The following FAM186B variants were observed in gnomAD, a reference collection of about 807,000 sequenced individuals.
The protein encoded by FAM186B is family with sequence similarity 186 member B.
Under a neutral mutation model 83.4 loss-of-function variants are expected in FAM186B, and 68 were observed. The ratio of observed to expected loss-of-function variants is 0.81; its 90% CI spans 0.67 to 1.00. The LOEUF is 1.00. FAM186B is among the 50% of genes least tolerant of loss of function. The pLI is 0.00. For missense variants in FAM186B, 983 were observed against 1,099.2 expected (o/e 0.89, Z 1.49); for synonymous variants, 389 against 422.0 (o/e 0.92, Z 0.96).
rs1176835274 is a variant in FAM186B at position 49,599,718 on chromosome 12, G to C, written c.1922C>G (p.Ser641Cys). 1 of 1,613,658 alleles carries C rather than the reference G, an allele frequency of 6.2e-7. No individual in the cohort carries two copies. Among genetic ancestry groups the C allele is most frequent in the Admixed American group, 1.7e-5 (1 of 59,966 alleles). ...KSASFPVTGT[S>C]IRRLTWPSLQ... ...AGAGGGCCAGGTCAGCCTTCGGATG[G>C]ATGTCCCAGTGACAGGAAAGGAGGC... is the stretch of plus-strand genomic sequence containing the variant. Residue 641 changes from serine (S) to cysteine (C), a missense_variant, in exon 4 of 7, where the codon TCC becomes TGC. Coordinates refer to ENST00000257894, the MANE Select transcript of FAM186B (RefSeq NM_032130.3).
At chr12:49,606,534 C>A (rs1233528706), upstream of FAM186B, among the ~76,000 whole-genome samples, 1 of 150,566 alleles carries the variant, frequency 6.6e-6, no homozygotes, top group Non-Finnish European at 1.5e-5. Context: ...CACAAACATA[C>A]AGAGGGAGGA....
chr12:49,616,513 G>A, the FAM186B span, among the ~76,000 whole-genome samples: 3 of 152,288 alleles, frequency 2.0e-5, no homozygotes, highest in East Asian at 3.9e-4. Flanking sequence ...TAGTATGTCC[G>A]TGTGATGAAA....
In FAM186B at chr12:49,600,296, G is replaced by A; in HGVS notation, c.1344C>T (p.Phe448=). The A allele has an allele frequency of 6.2e-7, 1 of 1,614,148 alleles. No homozygotes were observed. Residue 448 remains phenylalanine (F), a synonymous_variant, in exon 4 of 7, where the codon TTC becomes TTT. Transcript: ENST00000257894. This position sits in a 1 kb window ranked among gnomAD's most constrained non-coding sequence, Gnocchi z 4.3. ...ACTTAATTTGGAGTCCTCCCTTCTG[G>A]AAGTAGTCCTCCTGGTCTTTGTCTT... ...GHKDKDQEDY[F]QKGGLQIKFH...
intron 5 of FAM186B, among the ~76,000 whole-genome samples, chr12:49,591,389 G>C (rs1381008972): frequency 6.6e-6 from 1 of 152,178 alleles, no homozygotes; most frequent in African/African-American, 2.4e-5. Flanking sequence ...TCCCTGGGAA[G>C]AGTTTGTGTT....
rs1939503522 is a variant in FAM186B at position 49,588,539 on chromosome 12, G to A, written c.2449C>T (p.Pro817Ser). The change falls in exon 6 of 7, where the codon CCC (proline) becomes TCC (serine). Residue 817 changes from proline (P) to serine (S), a missense_variant. By Grantham distance (74) the Pro-to-Ser change is moderately conservative. Transcript: ENST00000257894. ...GGGCCACTGGGGCGGATGTGCCGGG[G>A]TGAGGCTGCAGGCAACTTGCATTTC... is the stretch of plus-strand genomic sequence containing the variant. Reference protein sequence around the residue: ...PKKCKLPAASPRHIRPSGPTY... With the variant: ...PKKCKLPAASSRHIRPSGPTY... 1.2e-6 allele frequency: 2 copies of A among 1,613,060 alleles called. No individual in the cohort carries two copies. The highest frequency in any genetic ancestry group is 1.7e-6 in the Non-Finnish European group (2 of 1,179,520).
chr12:49,601,292 G>C lies in FAM186B; in HGVS notation c.506-158C>G. ...TATGGGGCCAGGGACAGTGCTGTCA[G>C]GACAGACCTCTGCTGAGTGCAGAGC... On this transcript the variant is annotated intron_variant, in intron 3 of 6. Coordinates refer to ENST00000257894, the MANE Select transcript of FAM186B (RefSeq NM_032130.3). The C allele has an allele frequency of 2.8e-6, 3 of 1,068,158 alleles. No individual in the cohort carries two copies. In the South Asian group the frequency reaches 6.3e-5, roughly 22 times the overall value. 66.2% of individuals were successfully genotyped at this position (1,068,158 alleles called of 1,614,324 possible). A position where few individuals can be genotyped will look rare whatever the true frequency, so the allele number is the denominator to read the frequency against.
upstream of FAM186B, among the ~76,000 whole-genome samples, chr12:49,607,477 GA>G (rs944606957): frequency 1.7e-4 from 25 of 148,666 alleles, no homozygotes; most frequent in South Asian, 2.1e-4. Context: ...GCTCACTAAA[GA>G]AAAAAAAAGC....
chr12:49,605,372 CAG>C lies in FAM186B; in HGVS notation c.96+8_96+9del, dbSNP rs757503423. On this transcript the variant is annotated splice_region_variant and intron_variant, in intron 1 of 6. Transcript: ENST00000257894. ...CAATGTAAGAGTGATTCCTTCATCTCAGGGGCTACCTCTTGAGCCCGAGTTAG... is the reference window on the plus strand; with the variant it reads ...CAATGTAAGAGTGATTCCTTCATCTCGGGCTACCTCTTGAGCCCGAGTTAG... The C allele has an allele frequency of 4.3e-6, 7 of 1,609,890 alleles. No homozygotes were observed. Among genetic ancestry groups the C allele is most frequent in the East Asian group, 2.2e-5 (1 of 44,862 alleles).
At chr12:49,618,306 C>T in the FAM186B span, among the ~76,000 whole-genome samples, 1 of 151,458 alleles carries the variant, frequency 6.6e-6, no homozygotes, top group Non-Finnish European at 1.5e-5. Flanking sequence ...GATCACGCCA[C>T]TGCACTCCAG....
chr12:49,599,860 AGT>A lies in FAM186B; in HGVS notation c.1778_1779del (p.His593LeufsTer6). 7.5e-6 allele frequency: 12 copies of A among 1,608,550 alleles called. No individual in the cohort carries two copies. Among genetic ancestry groups the A allele is most frequent in the Non-Finnish European group, 1.0e-5 (12 of 1,176,806 alleles). ...TGCTGGGTACTAGGAGACATGGGCA[AGT>A]GTGGCCTCCTGCTTTGGTGAGCAGA... ...TQSAHQSRRP[H>X]LPMSPSTQQP... is the part of the protein sequence containing the mutation. On this transcript the variant is annotated frameshift_variant, in exon 4 of 7. Transcript: ENST00000257894. LOFTEE classifies it high-confidence loss of function.
In FAM186B at chr12:49,600,643, C is replaced by T. The variant is rs764878076; in HGVS notation, c.997G>A (p.Glu333Lys). The T allele has an allele frequency of 1.7e-5, 28 of 1,613,794 alleles. No homozygotes were observed. In the South Asian group the frequency reaches 2.4e-4, roughly 14 times the overall value. The change falls in exon 4 of 7, where the codon GAG (glutamate) becomes AAG (lysine). Residue 333 changes from glutamate to lysine, a missense_variant. Physicochemically the swap from Glu to Lys is moderately conservative, Grantham distance 56. Transcript: ENST00000257894. This position sits in a 1 kb window ranked among gnomAD's most constrained non-coding sequence, Gnocchi z 4.3. The stretch of plus-strand genomic sequence containing the variant: ...GGACCTGGGGAGTCAACAGAAACCT[C>T]AGCCAGGTCTTCTGCCTGACCTGTA... ...NATGQAEDLAEVSVDSPGPSE... is the reference protein window; with the variant it reads ...NATGQAEDLAKVSVDSPGPSE...
intron 4 of FAM186B, 55 bp downstream of exon 4, chr12:49,599,414 C>T: frequency 2.7e-6 from 4 of 1,500,328 alleles, no homozygotes; most frequent in Non-Finnish European, 3.5e-6. Context: ...TGGGTTTAGG[C>T]TCTGCCAACA....
chr12:49,593,888 A>T (rs1939648170), intron 5 of FAM186B, among the ~76,000 whole-genome samples: 2 of 152,222 alleles, frequency 1.3e-5, no homozygotes, highest in Admixed American at 1.3e-4. Flanking sequence ...ACAGAGCTTC[A>T]GAGTATTTGA....
At chr12:49,610,803 A>G in the FAM186B span, among the ~76,000 whole-genome samples, 1 of 151,974 alleles carries the variant, frequency 6.6e-6, no homozygotes, top group East Asian at 1.9e-4. Context: ...AAAAAAAAAA[A>G]AAAGAAAAAC....
chr12:49,613,922 G>A, the FAM186B span, among the ~76,000 whole-genome samples: 4 of 152,020 alleles, frequency 2.6e-5, no homozygotes, highest in Non-Finnish European at 5.9e-5. Flanking sequence ...GCCTTGGTGG[G>A]TGGATCACCT....
chr12:49,619,799 TG>T, the FAM186B span, among the ~76,000 whole-genome samples: 1 of 150,566 alleles, frequency 6.6e-6, no homozygotes, highest in African/African-American at 2.4e-5. Flanking sequence ...CTCAGCCTCC[TG>T]AGTAGCTAGG....
chr12:49,582,928 A>G (rs1565801498), downstream of FAM186B: 2 of 431,362 alleles, frequency 4.6e-6, no homozygotes, highest in Middle Eastern at 3.4e-4. Flanking sequence ...TTGGCTTCAC[A>G]GCTTGGCCCG....
intron 5 of FAM186B, among the ~76,000 whole-genome samples, chr12:49,590,436 G>A (rs982113762): frequency 6.6e-6 from 1 of 152,180 alleles, no homozygotes; most frequent in African/African-American, 2.4e-5. Flanking sequence ...TTTGGCAGGT[G>A]AGTGAGCATT....
At position 49,600,248 on chromosome 12, in the gene FAM186B, A is replaced by G. The variant is rs137909183; in HGVS notation, c.1392T>C (p.Ser464=). The G allele has an allele frequency of 2.1e-4, 334 of 1,613,774 alleles. No individual in the cohort carries two copies. The highest frequency in any genetic ancestry group is 2.4e-4 in the Non-Finnish European group (281 of 1,179,900). Residue 464 remains serine (S), a synonymous_variant, in exon 4 of 7, where the codon TCT becomes TCC. Transcript: ENST00000257894. The surrounding 1 kb of genome is among the most constrained non-coding windows in gnomAD (Gnocchi z 4.3). ...AGGTCACCTGCCTGGAGCTCTCTAG[A>G]GACAGCTGCTTGCTACAGTGGAACT... ...QIKFHCSKQL[S]LESSRQVTSE...
Sources: allele counts gnomAD v4.1 joint callset (sites outside exome capture counted in the v4.1 genomes callset), GRCh38; gene constraint gnomAD v4.1.1; non-coding constraint Gnocchi (gnomAD v3.1); transcripts MANE v1.5; gene names NCBI Gene and HGNC (gene_info 2026-07-23, HGNC 2026-07-21).